The following VRK2 variants were observed in gnomAD, a reference collection of about 807,000 sequenced individuals.
The protein encoded by VRK2 is serine/threonine-protein kinase VRK2.
Under a neutral mutation model 57.6 loss-of-function variants are expected in VRK2, and 60 were observed. The ratio of observed to expected loss-of-function variants is 1.04; its 90% CI spans 0.85 to 1.29. The LOEUF is 1.29. Among genes scored for constraint, VRK2 ranks in the 50% most tolerant of loss-of-function variants. The pLI is 0.00. For missense variants in VRK2, 705 were observed against 588.1 expected, an observed-to-expected ratio of 1.20 and a Z score of -2.06; for synonymous variants, 231 against 199.2, an observed-to-expected ratio of 1.16 and a Z score of -1.35.
At chr2:58,012,704 A>C (rs981461668) in intron 1 of VRK2, among the ~76,000 whole-genome samples, 9 of 152,228 alleles carry the variant, frequency 5.9e-5, no homozygotes, top group Non-Finnish European at 1.3e-4. Context: ...TATAAATAAC[A>C]AAATACACAC....
intron 1 of VRK2, among the ~76,000 whole-genome samples, chr2:57,935,239 A>C (rs1670867632): frequency 6.6e-6 from 1 of 151,950 alleles, no homozygotes; most frequent in Admixed American, 6.6e-5. Flanking sequence ...AAATGCCTTC[A>C]TCAGTCAGCC....
intron 1 of VRK2, among the ~76,000 whole-genome samples, chr2:57,958,747 G>T (rs1026088373): frequency 6.6e-6 from 1 of 152,066 alleles, no homozygotes; most frequent in African/African-American, 2.4e-5. Flanking sequence ...TCAACGAACA[G>T]ACCACATCCT....
intron 10 of VRK2, among the ~76,000 whole-genome samples, chr2:58,137,129 A>G (rs1470307157): frequency 1.6e-5 from 1 of 60,918 alleles, no homozygotes; most frequent in African/African-American, 4.4e-5. Flanking sequence ...ATATGTGTAT[A>G]TATCATATAT....
intron 11 of VRK2, among the ~76,000 whole-genome samples, chr2:58,145,919 A>G (rs1573390050): frequency 6.6e-6 from 1 of 152,072 alleles, no homozygotes; most frequent in African/African-American, 2.4e-5. Context: ...GATGGTTTCC[A>G]GCTTCATCCA....
At chr2:58,030,660 G>A (rs185291550) in intron 2 of VRK2, among the ~76,000 whole-genome samples, 15 of 151,736 alleles carry the variant, frequency 9.9e-5, no homozygotes, top group African/African-American at 2.9e-4. Context: ...GTGGCAGATT[G>A]TACTTTTCAT....
At chr2:58,102,435 G>C (rs1486311266) in intron 7 of VRK2, among the ~76,000 whole-genome samples, 1 of 147,076 alleles carries the variant, frequency 6.8e-6, no homozygotes, top group East Asian at 2.0e-4. Flanking sequence ...GAAACCAAAA[G>C]CAAGCAGGAG....
chr2:57,965,264 TA>T (rs1174621007), intron 1 of VRK2, among the ~76,000 whole-genome samples: 2 of 152,246 alleles, frequency 1.3e-5, no homozygotes, highest in Admixed American at 6.5e-5. Context: ...GTCCTGGAGA[TA>T]TTTTTCTGTT....
At chr2:58,055,442 C>G (rs1319978311) in intron 2 of VRK2, among the ~76,000 whole-genome samples, 1 of 152,200 alleles carries the variant, frequency 6.6e-6, no homozygotes, top group Non-Finnish European at 1.5e-5. Context: ...ACAGCAGCTC[C>G]TGTGGCTGTG....
At chr2:57,937,341 T>C (rs1670947635) in intron 1 of VRK2, among the ~76,000 whole-genome samples, 1 of 152,190 alleles carries the variant, frequency 6.6e-6, no homozygotes, top group Non-Finnish European at 1.5e-5. Context: ...ATAATCCCAC[T>C]TTTCTTTCTT....
At chr2:57,944,772 A>G (rs1042306630) in intron 1 of VRK2, among the ~76,000 whole-genome samples, 1 of 152,000 alleles carries the variant, frequency 6.6e-6, no homozygotes, top group Non-Finnish European at 1.5e-5. Context: ...TCGTTAATTC[A>G]TGCATCAGGT....
At chr2:57,946,248 T>C (rs1369505150) in intron 1 of VRK2, among the ~76,000 whole-genome samples, 1 of 151,962 alleles carries the variant, frequency 6.6e-6, no homozygotes, top group Non-Finnish European at 1.5e-5. Flanking sequence ...AACTATGTTT[T>C]ATTATTAAGT....
chr2:57,982,196 GA>G (rs1434737732), intron 1 of VRK2, among the ~76,000 whole-genome samples: 4 of 152,192 alleles, frequency 2.6e-5, no homozygotes, highest in Non-Finnish European at 5.9e-5. Context: ...TAAGCCTGGG[GA>G]GCTGGAACCA....
chr2:57,929,890 C>CAACATT (rs1670663193), intron 1 of VRK2, among the ~76,000 whole-genome samples: 1 of 152,072 alleles, frequency 6.6e-6, no homozygotes, highest in Non-Finnish European at 1.5e-5. Flanking sequence ...GGCTGTTGGA[C>CAACATT]TCTGCCTGGT....
At chr2:58,084,571 G>A (rs1671351907) in intron 3 of VRK2, among the ~76,000 whole-genome samples, 1 of 151,932 alleles carries the variant, frequency 6.6e-6, no homozygotes, top group Non-Finnish European at 1.5e-5. Context: ...TTGGTATACA[G>A]TGAGTGTTGT....
chr2:58,134,741 A>G (rs1350340851), intron 9 of VRK2, among the ~76,000 whole-genome samples: 1 of 152,114 alleles, frequency 6.6e-6, no homozygotes, highest in Non-Finnish European at 1.5e-5. Flanking sequence ...TTCTTCATCA[A>G]ACCTAAGCAT....
chr2:58,049,623 G>A (rs1180602338), intron 2 of VRK2, among the ~76,000 whole-genome samples: 1 of 152,118 alleles, frequency 6.6e-6, no homozygotes, highest in African/African-American at 2.4e-5. Flanking sequence ...GTTGGAATGA[G>A]GAGGGGATAT....
chr2:57,911,727 G>A (rs1669991625), intron 1 of VRK2, among the ~76,000 whole-genome samples: 1 of 152,114 alleles, frequency 6.6e-6, no homozygotes, highest in African/African-American at 2.4e-5. Flanking sequence ...GATATAATTG[G>A]GGATTCCGTG....
intron 1 of VRK2, among the ~76,000 whole-genome samples, chr2:57,942,853 C>A (rs955951465): frequency 1.3e-5 from 2 of 152,166 alleles, no homozygotes; most frequent in Non-Finnish European, 2.9e-5. Flanking sequence ...CAGTCAATAA[C>A]AGGCTCCTGC....
intron 1 of VRK2, among the ~76,000 whole-genome samples, chr2:57,949,690 TTA>T (rs1202130915): frequency 6.6e-6 from 1 of 152,096 alleles, no homozygotes; most frequent in Non-Finnish European, 1.5e-5. Context: ...AAAGGAAGAG[TTA>T]TATGTCTGTC....
Sources: gnomAD v4.1 joint callset for allele counts (sites outside exome capture counted in the v4.1 genomes callset) on GRCh38, gnomAD v4.1.1 for gene constraint, MANE v1.5 for transcripts, NCBI Gene and HGNC (gene_info 2026-07-23, HGNC 2026-07-21) for gene names.